Variants in KPNA3 observed in about 807,000 individuals in gnomAD.
KPNA3 encodes importin subunit alpha-4.
KPNA3 carries 13 observed loss-of-function variants against 73.8 expected under a neutral mutation model. The observed-to-expected ratio is 0.18, with a 90% CI of 0.11 to 0.28. The LOEUF (loss-of-function observed/expected upper bound fraction) is 0.28, where lower values mean the gene tolerates loss of function less well. KPNA3 is among the 10% of genes least tolerant of loss of function. The pLI, the probability that KPNA3 is intolerant of heterozygous loss-of-function variation, is 1.00. For missense variants in KPNA3, 360 were observed against 618.1 expected, an observed-to-expected ratio of 0.58 and a Z score of 4.43; for synonymous variants, 186 against 206.9, an observed-to-expected ratio of 0.90 and a Z score of 0.87.
chr13:49,725,537 T>C (rs1272767255), intron 6 of KPNA3, 36 bp from the exon 7 acceptor site: 2 of 1,282,634 alleles, frequency 1.6e-6, no homozygotes, highest in African/African-American at 2.9e-5. Flanking sequence ...TTTAGACACA[T>C]AACTACCACT....
intron 1 of KPNA3, among the ~76,000 whole-genome samples, chr13:49,761,840 T>C (rs984189510): frequency 2.0e-5 from 3 of 148,334 alleles, no homozygotes; most frequent in African/African-American, 7.6e-5. Context: ...GGGGAGCGCC[T>C]CTGCCCAGAC....
At chr13:49,772,778 G>C (rs1459792710) in intron 1 of KPNA3, among the ~76,000 whole-genome samples, 1 of 152,154 alleles carries the variant, frequency 6.6e-6, no homozygotes, top group African/African-American at 2.4e-5. Context: ...ACTTCAGCCT[G>C]GGTGACAAAA....
intron 10 of KPNA3, among the ~76,000 whole-genome samples, chr13:49,717,668 T>A (rs1370820250): frequency 6.6e-6 from 1 of 152,196 alleles, no homozygotes; most frequent in African/African-American, 2.4e-5. Context: ...ACAACGTTTG[T>A]AGATGATGGA....
At chr13:49,752,691 C>G (rs1264247311) in intron 1 of KPNA3, among the ~76,000 whole-genome samples, 14 of 151,870 alleles carry the variant, frequency 9.2e-5, no homozygotes, top group Non-Finnish European at 2.9e-5. Context: ...TTAAGAGAAA[C>G]AGAATATGTA....
At chr13:49,743,822 G>C (rs1370077449) in intron 2 of KPNA3, among the ~76,000 whole-genome samples, 1 of 152,214 alleles carries the variant, frequency 6.6e-6, no homozygotes, top group African/African-American at 2.4e-5. Context: ...AAGTTGAATT[G>C]CAAGCGTGAA....
intron 1 of KPNA3, among the ~76,000 whole-genome samples, chr13:49,760,034 C>T (rs1488975955): frequency 3.3e-5 from 5 of 152,142 alleles, no homozygotes; most frequent in Non-Finnish European, 5.9e-5. Flanking sequence ...GTTCCCAATT[C>T]CCCCAAATCA....
intron 1 of KPNA3, among the ~76,000 whole-genome samples, chr13:49,778,390 A>G (rs1330887196): frequency 2.0e-5 from 3 of 152,200 alleles, no homozygotes; most frequent in African/African-American, 7.2e-5. Context: ...ACCTCTGTCT[A>G]TACATCTTCT....
At chr13:49,786,716 A>G (rs773074636) in intron 1 of KPNA3, among the ~76,000 whole-genome samples, 1 of 152,338 alleles carries the variant, frequency 6.6e-6, no homozygotes. Flanking sequence ...CACAGCTGGC[A>G]CAAAGGAGAT....
intron 10 of KPNA3, among the ~76,000 whole-genome samples, chr13:49,712,049 C>T (rs1954264683): frequency 6.6e-6 from 1 of 152,098 alleles, no homozygotes; most frequent in African/African-American, 2.4e-5. Flanking sequence ...ACCTACCAGC[C>T]CATTTCCCAC....
chr13:49,740,585 T>C (rs1173916815), intron 2 of KPNA3, among the ~76,000 whole-genome samples: 4 of 152,210 alleles, frequency 2.6e-5, no homozygotes, highest in African/African-American at 9.6e-5. Flanking sequence ...TCATATGGGA[T>C]GTGCCTTTCA....
chr13:49,727,904 A>C (rs1295683047), intron 6 of KPNA3, among the ~76,000 whole-genome samples: 1 of 152,202 alleles, frequency 6.6e-6, no homozygotes, highest in Non-Finnish European at 1.5e-5. Context: ...ATGCCCCCAA[A>C]GAAATCAGCG....
chr13:49,702,514 A>C (rs750337902), intron 15 of KPNA3, 34 bp from the exon 16 acceptor site: 1 of 1,156,422 alleles, frequency 8.6e-7, no homozygotes, highest in East Asian at 2.4e-5. Context: ...ATAACTGGTT[A>C]ATTGATAAGG....
intron 1 of KPNA3, among the ~76,000 whole-genome samples, chr13:49,784,052 A>G (rs1429000033): frequency 6.6e-6 from 1 of 152,118 alleles, no homozygotes; most frequent in Non-Finnish European, 1.5e-5. Flanking sequence ...CAGGAGTTCA[A>G]GACCAGCCTG....
At chr13:49,743,664 C>T (rs1954592874) in intron 2 of KPNA3, among the ~76,000 whole-genome samples, 1 of 151,136 alleles carries the variant, frequency 6.6e-6, no homozygotes, top group Non-Finnish European at 1.5e-5. Context: ...ATTTTTAGTT[C>T]TATAAATTAG....
At chr13:49,775,676 C>G (rs77097860) in intron 1 of KPNA3, among the ~76,000 whole-genome samples, 1 of 152,134 alleles carries the variant, frequency 6.6e-6, no homozygotes, top group East Asian at 1.9e-4. Context: ...CCCAAACTTC[C>G]TTTACTCTTA....
intron 2 of KPNA3, among the ~76,000 whole-genome samples, chr13:49,740,488 T>C (rs1278722102): frequency 6.6e-6 from 1 of 152,146 alleles, no homozygotes; most frequent in African/African-American, 2.4e-5. Flanking sequence ...GGGTCTTTCC[T>C]GCGCTGTTCT....
chr13:49,745,007 T>A (rs1325629797), intron 2 of KPNA3, among the ~76,000 whole-genome samples: 1 of 152,244 alleles, frequency 6.6e-6, no homozygotes, highest in African/African-American at 2.4e-5. Context: ...CTTTCATGGC[T>A]ATTTTTCCTC....
At chr13:49,733,282 G>GTTTTTTTTTTTTTTT (rs760449062) in intron 2 of KPNA3, among the ~76,000 whole-genome samples, 2 of 100,918 alleles carry the variant, frequency 2.0e-5, no homozygotes, top group Non-Finnish European at 3.8e-5. Flanking sequence ...CCACTGTGGT[G>GTTTTTTTTTTTTTTT]TTTTTTTTTT....
intron 1 of KPNA3, among the ~76,000 whole-genome samples, chr13:49,752,244 C>G (rs1254403293): frequency 6.6e-6 from 1 of 152,022 alleles, no homozygotes; most frequent in Non-Finnish European, 1.5e-5. Context: ...TGAACAGAGC[C>G]AGACCTCAGA....
Sources: gnomAD v4.1 joint callset for allele counts (sites outside exome capture counted in the v4.1 genomes callset) on GRCh38, gnomAD v4.1.1 for gene constraint, MANE v1.5 for transcripts, NCBI Gene and HGNC (gene_info 2026-07-23, HGNC 2026-07-21) for gene names.